The following EVC2 variants were observed in gnomAD, a reference collection of about 807,000 sequenced individuals.
The protein encoded by EVC2 is EvC ciliary complex subunit 2, also known as limbin.
EVC2 carries 148 observed loss-of-function variants against 149.3 expected under a neutral mutation model. The observed-to-expected ratio is 0.99, with a 90% CI of 0.87 to 1.14. The LOEUF (loss-of-function observed/expected upper bound fraction) is 1.14. Ranked by LOEUF, EVC2 falls within the 50% of genes most tolerant of loss-of-function variation. EVC2 has a pLI of 0.00. For missense variants in EVC2, 1,854 were observed against 1,627.3 expected (o/e 1.14, Z -2.40); for synonymous variants, 776 against 649.9 (o/e 1.19, Z -2.95).
rs554945397 is a variant in EVC2 at position 5,640,338 on chromosome 4, C to T, written c.1470+176G>A. 9.7e-4 allele frequency among the ~76,000 whole-genome samples: 146 copies of T among 151,214 alleles called. No individual in the cohort carries two copies. Among genetic ancestry groups the T allele is most frequent in the Non-Finnish European group, 1.6e-3 (107 of 67,786 alleles). ...GGATGGACAGATGATGATGGATGGA[C>T]GGTGGGAATGGTTGGATGAATGAAT... On this transcript the variant is annotated intron_variant, in intron 10 of 21. Coordinates refer to ENST00000344408, the MANE Select transcript of EVC2 (RefSeq NM_147127.5). This position sits in a 1 kb window ranked among gnomAD's most constrained non-coding sequence, Gnocchi z 4.6.
At chr4:5,646,346 A>G (rs547488589) in intron 9 of EVC2, among the ~76,000 whole-genome samples, 1 of 151,778 alleles carries the variant, frequency 6.6e-6, no homozygotes, top group East Asian at 2.0e-4. Flanking sequence ...GGCTACATGT[A>G]TGTCTTCTTA....
At chr4:5,608,958 T>A (rs1714613217) in intron 16 of EVC2, among the ~76,000 whole-genome samples, 1 of 152,116 alleles carries the variant, frequency 6.6e-6, no homozygotes, top group Non-Finnish European at 1.5e-5. Flanking sequence ...CTCTTTCTCT[T>A]CCGGAGCTGG....
chr4:5,561,733 T>A (rs1359735026), downstream of EVC2, among the ~76,000 whole-genome samples: 6 of 152,120 alleles, frequency 3.9e-5, no homozygotes, highest in Admixed American at 3.9e-4. Flanking sequence ...AAACTCTGAG[T>A]CTCAGCTTCC....
intron 16 of EVC2, among the ~76,000 whole-genome samples, chr4:5,586,539 T>C (rs1312902316): frequency 6.6e-6 from 1 of 152,150 alleles, no homozygotes; most frequent in Admixed American, 6.5e-5. Context: ...CCTTTTGGAA[T>C]TTCAGATAGA....
chr4:5,618,584 G>GC lies in EVC2; in HGVS notation c.2599dup (p.Ala867GlyfsTer34). 6.2e-7 allele frequency: 1 copy of GC among 1,613,998 alleles called. No individual in the cohort carries two copies. Among genetic ancestry groups the GC allele is most frequent in the Non-Finnish European group, 8.5e-7 (1 of 1,179,990 alleles). The stretch of plus-strand genomic sequence containing the variant: ...AACTCGGGCCCGGATCTTGGGGAGG[G>GC]CCAAGCTCCTGTCCATCTGAGCAAA... On this transcript the variant is annotated frameshift_variant, in exon 15 of 22. Coordinates refer to ENST00000344408, the MANE Select transcript of EVC2 (RefSeq NM_147127.5). LOFTEE classifies it high-confidence loss of function. This position sits in a 1 kb window ranked among gnomAD's most constrained non-coding sequence, Gnocchi z 4.4.
chr4:5,585,633 C>T (rs1490105945), intron 16 of EVC2, among the ~76,000 whole-genome samples: 1 of 152,122 alleles, frequency 6.6e-6, no homozygotes, highest in African/African-American at 2.4e-5. Context: ...ATAACCTGCA[C>T]ATATTTACAG....
At chr4:5,661,145 T>A (rs1718849583) in intron 9 of EVC2, among the ~76,000 whole-genome samples, 1 of 152,128 alleles carries the variant, frequency 6.6e-6, no homozygotes, top group South Asian at 2.1e-4. Context: ...ACATCTTTAA[T>A]CTAGAATAAA....
rs112633363 is a variant in EVC2, at chr4:5,638,801, A to G, written c.1470+1713T>C. Among the ~76,000 whole-genome samples, 1,050 of 152,310 alleles carry G rather than the reference A, an allele frequency of 6.9e-3. 15 individuals carry two copies. The highest frequency in any genetic ancestry group is 0.019 in the African/African-American group (807 of 41,566). ...CAGGGAAAAGGCCACAGGAAGACAG[A>G]GCAAAGATTTAAGTGACGCAGTTAC... On this transcript the variant is annotated intron_variant, in intron 10 of 21. Coordinates refer to ENST00000344408, the MANE Select transcript of EVC2 (RefSeq NM_147127.5).
At chr4:5,536,611 C>T in the EVC2 span, among the ~76,000 whole-genome samples, 9 of 152,082 alleles carry the variant, frequency 5.9e-5, no homozygotes, top group South Asian at 4.2e-4. Context: ...GGTGAAACCC[C>T]GTTTCTACTA....
rs1716023714 is a variant in EVC2 at position 5,625,309 on chromosome 4, C to T, written c.2046+440G>A. Among the ~76,000 whole-genome samples, 1 of 43,682 alleles carries T rather than the reference C, an allele frequency of 2.3e-5. No individual in the cohort carries two copies. Among genetic ancestry groups the T allele is most frequent in the African/African-American group, 1.7e-4 (1 of 5,760 alleles). The allele number at this position is 43,682 out of a possible 152,430, so 28.7% of individuals were successfully genotyped here. A position where few individuals can be genotyped will look rare whatever the true frequency, so the allele number is the denominator to read the frequency against. On this transcript the variant is annotated intron_variant, in intron 13 of 21. Coordinates refer to ENST00000344408, the MANE Select transcript of EVC2 (RefSeq NM_147127.5). The surrounding 1 kb of genome is among the most constrained non-coding windows in gnomAD (Gnocchi z 4.0). ...TACTAGATATTTGACCTTGACCATA[C>T]ACACACACACACACACACACACACA... is the stretch of plus-strand genomic sequence containing the variant.
intron 9 of EVC2, among the ~76,000 whole-genome samples, chr4:5,650,634 T>TAG (rs1204960392): frequency 9.3e-4 from 54 of 58,170 alleles, no homozygotes; most frequent in African/African-American, 1.1e-3. Context: ...TATATATATA[T>TAG]ATATAGAGAG....
At chr4:5,560,222 G>C (rs1215648230), downstream of EVC2, among the ~76,000 whole-genome samples, 1 of 152,074 alleles carries the variant, frequency 6.6e-6, no homozygotes, top group Admixed American at 6.6e-5. The surrounding 1 kb of genome is among the most constrained non-coding windows in gnomAD (Gnocchi z 4.1). Flanking sequence ...GTAGGCTTCT[G>C]TGTGAAGATA....
intron 9 of EVC2, among the ~76,000 whole-genome samples, chr4:5,656,615 G>A (rs1718537677): frequency 6.6e-6 from 1 of 152,198 alleles, no homozygotes; most frequent in Admixed American, 6.5e-5. Context: ...TCACGTGCAG[G>A]CAGAGATGGA....
chr4:5,559,630 CA>C (rs1721903293), downstream of EVC2, among the ~76,000 whole-genome samples: 2 of 152,124 alleles, frequency 1.3e-5, no homozygotes, highest in African/African-American at 4.8e-5. This position sits in a 1 kb window ranked among gnomAD's most constrained non-coding sequence, Gnocchi z 5.0. Context: ...CTCGGAAAAA[CA>C]TAAAAATCTG....
chr4:5,534,014 C>A, the EVC2 span, among the ~76,000 whole-genome samples: 2 of 152,282 alleles, frequency 1.3e-5, no homozygotes, highest in Non-Finnish European at 2.9e-5. Flanking sequence ...CCTTCACGGT[C>A]TCATAGGCTC....
intron 1 of EVC2, among the ~76,000 whole-genome samples, chr4:5,704,902 G>T (rs1051472716): frequency 1.5e-4 from 23 of 151,760 alleles, no homozygotes; most frequent in African/African-American, 5.1e-4. Context: ...AGAGATGGGG[G>T]TCTCACTATG....
intron 9 of EVC2, among the ~76,000 whole-genome samples, chr4:5,646,573 G>A (rs1717734121): frequency 6.6e-6 from 1 of 152,084 alleles, no homozygotes; most frequent in South Asian, 2.1e-4. Flanking sequence ...CTGTTACTCT[G>A]ACATAAAGTT....
chr4:5,602,142 A>C (rs1401963107), intron 16 of EVC2, among the ~76,000 whole-genome samples: 1 of 151,924 alleles, frequency 6.6e-6, no homozygotes, highest in Non-Finnish European at 1.5e-5. Flanking sequence ...AATTTTAAAA[A>C]TTAGTAGGGT....
chr4:5,659,831 T>C (rs1236003200), intron 9 of EVC2, among the ~76,000 whole-genome samples: 1 of 152,228 alleles, frequency 6.6e-6, no homozygotes, highest in Non-Finnish European at 1.5e-5. Context: ...TACTTTCCTC[T>C]TTTAAAGTAC....
Sources: allele counts gnomAD v4.1 joint callset (sites outside exome capture counted in the v4.1 genomes callset), GRCh38; gene constraint gnomAD v4.1.1; non-coding constraint Gnocchi (gnomAD v3.1); transcripts MANE v1.5; gene names NCBI Gene and HGNC (gene_info 2026-07-23, HGNC 2026-07-21).